Variants in BCAS3 observed in about 807,000 individuals in gnomAD.
The protein encoded by BCAS3 is BCAS3 microtubule associated cell migration factor, also known as BCAS4/BCAS3 fusion.
In BCAS3, 53 loss-of-function variants were observed where a neutral mutation model predicts 116.1. That is an observed-to-expected ratio of 0.46 (90% CI 0.37 to 0.57). The LOEUF (loss-of-function observed/expected upper bound fraction) is 0.57. Among genes scored for constraint, BCAS3 ranks in the 20% least tolerant of loss-of-function variants. The pLI, the probability that BCAS3 is intolerant of heterozygous loss-of-function variation, is 0.00. For missense variants in BCAS3, 917 were observed against 1,165.4 expected (o/e 0.79, Z 3.10); for synonymous variants, 391 against 408.2 (o/e 0.96, Z 0.51).
At position 61,015,807 on chromosome 17, in the gene BCAS3, C is replaced by T. The variant is rs1289530155; in HGVS notation, c.1543C>T (p.Pro515Ser). The T allele has an allele frequency of 6.2e-7, 1 of 1,613,864 alleles. No individual in the cohort carries two copies. ...NNFTNNNPGN[P>S]RLSPLPSLMV... is the part of the protein sequence containing the mutation. ...TTTTACCAACAACAACCCTGGCAAC[C>T]CTCGGCTCTCTCCTCTTCCCAGCTT... Residue 515 changes from proline (P) to serine (S), a missense_variant, in exon 16 of 24, where the codon CCT (proline) becomes TCT (serine). Physicochemically the swap from Pro to Ser is moderately conservative, Grantham distance 74. This residue lies in a region of BCAS3 where 807 missense variants were observed against 1,026.0 expected (regional missense o/e 0.79). Coordinates refer to ENST00000407086, the MANE Select transcript of BCAS3 (RefSeq NM_017679.5).
At position 61,377,195 on chromosome 17, in the gene BCAS3, C is replaced by T. The variant is rs1377316626; in HGVS notation, c.2593+8701C>T. ...CTGGAACTCCCCAGTGCCTAATGCC[C>T]TGATTGCTGAGGGTGAGAGAAGAAA... On this transcript the variant is annotated intron_variant, in intron 23 of 23. Coordinates refer to ENST00000407086, the MANE Select transcript of BCAS3 (RefSeq NM_017679.5). The surrounding 1 kb of genome is among the most constrained non-coding windows in gnomAD (Gnocchi z 4.6). Among the ~76,000 whole-genome samples, 1 of 152,172 alleles carries T rather than the reference C, an allele frequency of 6.6e-6. No homozygotes were observed. The highest frequency in any genetic ancestry group is 1.5e-5 in the Non-Finnish European group (1 of 68,028).
intron 12 of BCAS3, among the ~76,000 whole-genome samples, chr17:60,912,602 C>T (rs1332765426): frequency 6.6e-6 from 1 of 151,908 alleles, no homozygotes; most frequent in Non-Finnish European, 1.5e-5. Flanking sequence ...GTTACAGATT[C>T]GTATTTTTTT....
At chr17:60,745,749 C>G (rs1043256768) in intron 5 of BCAS3, among the ~76,000 whole-genome samples, 5 of 152,008 alleles carry the variant, frequency 3.3e-5, no homozygotes, top group African/African-American at 9.7e-5. Flanking sequence ...ACAGTTAGTC[C>G]TAGCATTCTT....
chr17:60,787,351 G>A (rs950230986), intron 6 of BCAS3, among the ~76,000 whole-genome samples: 18 of 152,036 alleles, frequency 1.2e-4, no homozygotes, highest in African/African-American at 3.9e-4. Flanking sequence ...GTTTCAGAGA[G>A]TTTTCCCTGC....
intron 11 of BCAS3, among the ~76,000 whole-genome samples, chr17:60,903,675 C>T (rs2058039666): frequency 6.6e-6 from 1 of 152,130 alleles, no homozygotes; most frequent in Non-Finnish European, 1.5e-5. Context: ...TTAAGCAATC[C>T]ACCCACCTCA....
intron 19 of BCAS3, among the ~76,000 whole-genome samples, chr17:61,060,850 C>T (rs1298133718): frequency 6.6e-6 from 1 of 152,102 alleles, no homozygotes; most frequent in African/African-American, 2.4e-5. Context: ...TTTTAAAGAT[C>T]ACAACTCCCC....
chr17:61,336,918 G>T (rs2056765853), intron 22 of BCAS3, among the ~76,000 whole-genome samples: 2 of 152,088 alleles, frequency 1.3e-5, no homozygotes, highest in Admixed American at 1.3e-4. Context: ...TTTGAGACCA[G>T]CCTGGCCAAC....
At chr17:60,737,089 A>C (rs8077129) in intron 5 of BCAS3, among the ~76,000 whole-genome samples, 124,411 of 151,986 alleles carry the variant, frequency 0.82, 56,264 homozygotes, top group Non-Finnish European at 0.99. Context: ...GCACGCATGC[A>C]CCACCACGCC....
At chr17:60,767,814 C>T (rs9905441) in intron 6 of BCAS3, among the ~76,000 whole-genome samples, 41,470 of 151,410 alleles carry the variant, frequency 0.27, 11,321 homozygotes, top group African/African-American at 0.71. Context: ...TATTTACATT[C>T]TTTAGAGACG....
chr17:60,747,269 T>C lies in BCAS3; in HGVS notation c.393T>C (p.Ala131=), dbSNP rs980840227. 8.7e-6 allele frequency: 14 copies of C among 1,612,788 alleles called. No homozygotes were observed. Among genetic ancestry groups the C allele is most frequent in the Non-Finnish European group, 1.2e-5 (14 of 1,178,902 alleles). The stretch of plus-strand genomic sequence containing the variant: ...TTCGAGCGGCTAGAATCTTGCCTGC[T>C]CCACAGTTTGGTGAGTGTAGTCCTT... The part of the protein sequence containing the change: ...GPIRAARILP[A]PQFGAQKCDN... The change falls in exon 6 of 24, where the codon GCT becomes GCC. Residue 131 remains alanine, a synonymous_variant. Coordinates refer to ENST00000407086, the MANE Select transcript of BCAS3 (RefSeq NM_017679.5).
chr17:61,358,072 A>G lies in BCAS3; in HGVS notation c.2426-10255A>G, dbSNP rs1721508267. On this transcript the variant is annotated intron_variant, in intron 22 of 23. Transcript: ENST00000407086. ...CACTGCCCTACAGCCTGGGCAACAG[A>G]GTGAGACTCCATCTCAAAAAAAAAA... Among the ~76,000 whole-genome samples, 3 of 145,224 alleles carry G rather than the reference A, an allele frequency of 2.1e-5. No individual in the cohort carries two copies. In the South Asian group the frequency reaches 6.8e-4, roughly 33 times the overall value.
intron 9 of BCAS3, among the ~76,000 whole-genome samples, chr17:60,881,005 C>G (rs1265960854): frequency 6.6e-6 from 1 of 151,936 alleles, no homozygotes; most frequent in Admixed American, 6.5e-5. Flanking sequence ...GACGGAGTCT[C>G]GCTCTGTCAC....
At chr17:60,704,752 C>G (rs112637623) in intron 4 of BCAS3, among the ~76,000 whole-genome samples, 10,593 of 151,532 alleles carry the variant, frequency 0.07, 1,237 homozygotes, top group African/African-American at 0.24. Context: ...GCAGGAGAAT[C>G]GCTTGGACCA....
chr17:60,846,817 GT>G (rs1161773201), intron 7 of BCAS3, among the ~76,000 whole-genome samples: 1 of 149,406 alleles, frequency 6.7e-6, no homozygotes, highest in Non-Finnish European at 1.5e-5. Context: ...CTCTCTTTCT[GT>G]TGAGGTGACT....
At chr17:61,157,221 T>G (rs1164695570) in intron 22 of BCAS3, among the ~76,000 whole-genome samples, 1 of 152,244 alleles carries the variant, frequency 6.6e-6, no homozygotes, top group Non-Finnish European at 1.5e-5. Flanking sequence ...ATAATTTTAT[T>G]CATTTTGGCT....
chr17:61,035,184 A>G (rs1486597026), intron 17 of BCAS3, among the ~76,000 whole-genome samples: 1 of 152,212 alleles, frequency 6.6e-6, no homozygotes, highest in Non-Finnish European at 1.5e-5. Flanking sequence ...AAGTTTAAAT[A>G]TCTTAGCTAA....
At chr17:60,706,131 C>T (rs1289931628) in intron 4 of BCAS3, among the ~76,000 whole-genome samples, 2 of 151,364 alleles carry the variant, frequency 1.3e-5, no homozygotes, top group East Asian at 1.9e-4. Context: ...GGTGTGATCT[C>T]GGCTCACTGT....
intron 12 of BCAS3, 29 bp from the exon 13 acceptor site, chr17:60,924,378 C>A: frequency 6.3e-7 from 1 of 1,596,834 alleles, no homozygotes; most frequent in Non-Finnish European, 8.6e-7. Flanking sequence ...AAAATATTTA[C>A]CTCCATTTGT....
At position 61,377,013 on chromosome 17, in the gene BCAS3, C is replaced by A. The variant is rs1357463012; in HGVS notation, c.2593+8519C>A. Among the ~76,000 whole-genome samples the A allele has an allele frequency of 6.6e-6, 1 of 152,174 alleles. No homozygotes were observed. The highest frequency in any genetic ancestry group is 2.4e-5 in the African/African-American group (1 of 41,436). On this transcript the variant is annotated intron_variant, in intron 23 of 23. Transcript: ENST00000407086. The surrounding 1 kb of genome is among the most constrained non-coding windows in gnomAD (Gnocchi z 4.6). The stretch of plus-strand genomic sequence containing the variant: ...TTTCCTACCCTCAAAGAGATTAAAG[C>A]CCCAGAGGAGGCCACAATACTGAAC...
Sources: gnomAD v4.1 joint callset for allele counts (sites outside exome capture counted in the v4.1 genomes callset) on GRCh38, gnomAD v4.1.1 for gene constraint, gnomAD v4.1.1 regional missense constraint, Gnocchi (gnomAD v3.1) non-coding constraint, MANE v1.5 for transcripts, NCBI Gene and HGNC (gene_info 2026-07-23, HGNC 2026-07-21) for gene names.